The following PRPH2 variants were observed in gnomAD, a reference collection of about 807,000 sequenced individuals.
PRPH2 encodes peripherin 2.
A neutral mutation model predicts 31.3 loss-of-function variants in PRPH2; 17 were observed. The observed-to-expected ratio is 0.54, with a 90% CI of 0.37 to 0.81. PRPH2 has a LOEUF of 0.81. PRPH2 is among the 40% of genes least tolerant of loss of function. PRPH2 has a pLI of 0.00. For missense variants in PRPH2, 430 were observed against 439.7 expected, an observed-to-expected ratio of 0.98 and a Z score of 0.20; for synonymous variants, 165 against 184.4, an observed-to-expected ratio of 0.89 and a Z score of 0.85.
intron 1 of PRPH2, among the ~76,000 whole-genome samples, chr6:42,717,222 G>C (rs1761805716): frequency 1.3e-5 from 2 of 151,288 alleles, no homozygotes; most frequent in Non-Finnish European, 3.0e-5. Context: ...AGACCAGCCT[G>C]GCCAACATGG....
chr6:42,707,430 G>GA (rs1056250579), intron 1 of PRPH2, among the ~76,000 whole-genome samples: 1 of 152,106 alleles, frequency 6.6e-6, no homozygotes, highest in Non-Finnish European at 1.5e-5. Flanking sequence ...ATCAAAGGGT[G>GA]ATCTTGCCAG....
At chr6:42,706,667 TAGAA>T (rs779079791) in intron 1 of PRPH2, among the ~76,000 whole-genome samples, 3 of 152,036 alleles carry the variant, frequency 2.0e-5, no homozygotes, top group African/African-American at 7.2e-5. Flanking sequence ...TAGAACATAA[TAGAA>T]AGCATAACTG....
rs1052898668 is a variant in PRPH2 at position 42,698,624 on chromosome 6, G to A, written c.829-117C>T. On this transcript the variant is annotated intron_variant, in intron 2 of 2. Coordinates refer to ENST00000230381, the MANE Select transcript of PRPH2 (RefSeq NM_000322.5). ...CCAGAGAGGACTCAACCTGAGCACT[G>A]TGGAGTGTGGGTTGGTGACAGCCTG... is the stretch of plus-strand genomic sequence containing the variant. The A allele has an allele frequency of 3.4e-5, 49 of 1,456,408 alleles. No homozygotes were observed. In the African/African-American group the frequency reaches 6.0e-4, roughly 18 times the overall value. The allele number at this position is 1,456,408 out of a possible 1,614,324, so 90.2% of individuals were successfully genotyped here. A position where few individuals can be genotyped will look rare whatever the true frequency, so the allele number is the denominator to read the frequency against.
chr6:42,712,824 T>C (rs1271332561), intron 1 of PRPH2, among the ~76,000 whole-genome samples: 4 of 152,172 alleles, frequency 2.6e-5, no homozygotes. Flanking sequence ...GGCTAGGTGA[T>C]GGCTACATGA....
At chr6:42,718,479 T>G (rs989495450) in intron 1 of PRPH2, among the ~76,000 whole-genome samples, 17 of 151,888 alleles carry the variant, frequency 1.1e-4, no homozygotes, top group African/African-American at 4.1e-4. Flanking sequence ...AAATAATTAT[T>G]AATTAATTAA....
intron 1 of PRPH2, among the ~76,000 whole-genome samples, chr6:42,706,717 A>T (rs1800171468): frequency 6.6e-6 from 1 of 152,162 alleles, no homozygotes; most frequent in African/African-American, 2.4e-5. Context: ...ATGTTCATTG[A>T]ATTGGTCACG....
chr6:42,713,736 C>T (rs1725598184), intron 1 of PRPH2, among the ~76,000 whole-genome samples: 1 of 151,740 alleles, frequency 6.6e-6, no homozygotes, highest in Admixed American at 6.6e-5. Flanking sequence ...GCCTGGCCAA[C>T]ATGGAGAAAC....
At chr6:42,704,934 C>G (rs925354798) in intron 1 of PRPH2, among the ~76,000 whole-genome samples, 1 of 152,238 alleles carries the variant, frequency 6.6e-6, no homozygotes, top group East Asian at 1.9e-4. Context: ...GTAGGAGGAG[C>G]AGCAGGATGG....
In PRPH2 at chr6:42,722,522, A is replaced by G. The variant is rs1294484350; in HGVS notation, c.-188T>C. The stretch of plus-strand genomic sequence containing the variant: ...TCCCCGTGAATGCAGTAGTGGTGGC[A>G]GGGGTCTCGGAATCACAGCTTGAGC... On this transcript the variant is annotated 5_prime_UTR_variant, in exon 1 of 3. Transcript: ENST00000230381. The surrounding 1 kb of genome is among the most constrained non-coding windows in gnomAD (Gnocchi z 4.4). The G allele has an allele frequency of 6.8e-7, 1 of 1,465,346 alleles. No individual in the cohort carries two copies. Among genetic ancestry groups the G allele is most frequent in the Non-Finnish European group, 9.0e-7 (1 of 1,113,480 alleles). 90.8% of individuals were successfully genotyped at this position (1,465,346 alleles called of 1,614,324 possible).
chr6:42,712,910 AATAAG>A (rs1761694560), intron 1 of PRPH2, among the ~76,000 whole-genome samples: 2 of 152,064 alleles, frequency 1.3e-5, no homozygotes, highest in South Asian at 4.2e-4. Flanking sequence ...AATGCAATAA[AATAAG>A]ATAAAAGAGC....
At position 42,698,397 on chromosome 6, in the gene PRPH2, CG is replaced by C; in HGVS notation, c.938del (p.Pro313ArgfsTer11). ...TCTCCAGAAAGGCCTTCCAGGTCTC[CG>C]GCACGCTCCTCTCCAGCAGCCAGCC... ...SQGWLLERSV[P>X]ETWKAFLESV... On this transcript the variant is annotated frameshift_variant, in exon 3 of 3. Transcript: ENST00000230381. LOFTEE classifies it high-confidence loss of function. 1 of 1,613,876 alleles carries C rather than the reference CG, an allele frequency of 6.2e-7. No homozygotes were observed. Among genetic ancestry groups the C allele is most frequent in the Non-Finnish European group, 8.5e-7 (1 of 1,179,780 alleles).
rs61755791 is a variant in PRPH2, at chr6:42,721,827, C to A, written c.508G>T (p.Gly170Cys). ...TGAATCTCAAACCAGTCCCGAAAAC[C>A]GTTGTTGCCGCAGCATTTGAACTCG... The part of the protein sequence containing the change: ...QIEFKCCGNN[G>C]FRDWFEIQWI... Residue 170 changes from glycine to cysteine, a missense_variant, in exon 1 of 3, where the codon GGT (glycine) becomes TGT (cysteine). By Grantham distance (159) the Gly-to-Cys change is radical (BLOSUM62 -3). Transcript: ENST00000230381. 1 of 1,614,184 alleles carries A rather than the reference C, an allele frequency of 6.2e-7. No individual in the cohort carries two copies. Among genetic ancestry groups the A allele is most frequent in the East Asian group, 2.2e-5 (1 of 44,890 alleles).
chr6:42,705,964 A>T (rs1235760077), intron 1 of PRPH2, among the ~76,000 whole-genome samples: 1 of 150,876 alleles, frequency 6.6e-6, no homozygotes, highest in East Asian at 2.0e-4. Flanking sequence ...GTCTCAAAAA[A>T]AAAAAAAAGA....
chr6:42,704,104 TA>T lies in PRPH2; in HGVS notation c.828+260del, dbSNP rs58317577. On this transcript the variant is annotated intron_variant, in intron 2 of 2. Coordinates refer to ENST00000230381, the MANE Select transcript of PRPH2 (RefSeq NM_000322.5). ...AACACAGAGAGACTCAGCCTCAAAA[TA>T]AAAAAAAAATAAAAAAAATAAATTT... Among the ~76,000 whole-genome samples, 80,868 of 140,680 alleles carry T rather than the reference TA, an allele frequency of 0.57. 22,490 individuals are homozygous for T. Among genetic ancestry groups the T allele is most frequent in the African/African-American group, 0.67 (26,056 of 38,638 alleles). The allele number at this position is 140,680 out of a possible 152,430, so 92.3% of individuals were successfully genotyped here.
Position 42,721,669 on chromosome 6 carries a change from G to A in PRPH2, c.581+85C>T, listed in dbSNP as rs574297962. The A allele has an allele frequency of 2.2e-5, 33 of 1,492,256 alleles. No homozygotes were observed. The South Asian group carries it at 3.5e-4, about 16-fold the overall frequency. 92.4% of individuals were successfully genotyped at this position (1,492,256 alleles called of 1,614,324 possible). A position where few individuals can be genotyped will look rare whatever the true frequency, so the allele number is the denominator to read the frequency against. On this transcript the variant is annotated intron_variant, in intron 1 of 2. Coordinates refer to ENST00000230381, the MANE Select transcript of PRPH2 (RefSeq NM_000322.5). ...CGATGGAGAGGAAAAGGCACTGGGT[G>A]CGGGGAGAGGGGCTGGTCAGAGGCC...
At chr6:42,701,955 C>CTTCG (rs1800053693) in intron 2 of PRPH2, among the ~76,000 whole-genome samples, 1 of 151,824 alleles carries the variant, frequency 6.6e-6, no homozygotes, top group Admixed American at 6.6e-5. Context: ...TAAAAGAAGG[C>CTTCG]TTCGGCTGGG....
intron 1 of PRPH2, among the ~76,000 whole-genome samples, chr6:42,710,549 G>A (rs1800256276): frequency 1.3e-5 from 2 of 152,172 alleles, no homozygotes; most frequent in African/African-American, 4.8e-5. Context: ...ACAAAGCCAG[G>A]CAGAGGAGAG....
intron 2 of PRPH2, 61 bp downstream of exon 2, chr6:42,704,304 T>G (rs1800106500): frequency 1.9e-6 from 3 of 1,573,156 alleles, no homozygotes; most frequent in Non-Finnish European, 2.6e-6. Flanking sequence ...CCGCCCCCAT[T>G]AGACCCAAAT....
At chr6:42,714,811 T>A (rs890051786) in intron 1 of PRPH2, among the ~76,000 whole-genome samples, 3 of 151,934 alleles carry the variant, frequency 2.0e-5, no homozygotes, top group Non-Finnish European at 4.4e-5. Context: ...AGCCACCACA[T>A]GTGGCCGAAG....
Sources: gnomAD v4.1 joint callset for allele counts (sites outside exome capture counted in the v4.1 genomes callset) on GRCh38, gnomAD v4.1.1 for gene constraint, Gnocchi (gnomAD v3.1) non-coding constraint, MANE v1.5 for transcripts, NCBI Gene and HGNC (gene_info 2026-07-23, HGNC 2026-07-21) for gene names.